Variants in MTUS2 observed in about 807,000 individuals in gnomAD.
MTUS2 encodes microtubule-associated tumor suppressor candidate 2.
Under a neutral mutation model 114.1 loss-of-function variants are expected in MTUS2, and 40 were observed. The ratio of observed to expected loss-of-function variants is 0.35; its 90% confidence interval spans 0.27 to 0.46. The LOEUF is 0.46. MTUS2 is among the 20% of genes least tolerant of loss of function. MTUS2 has a pLI of 1.00. For missense variants in MTUS2, 1,679 were observed against 1,705.4 expected (o/e 0.98, Z 0.27); for synonymous variants, 688 against 672.0 (o/e 1.02, Z -0.37).
intron 2 of MTUS2, among the ~76,000 whole-genome samples, chr13:28,917,588 TTTTA>T (rs1403100421): frequency 2.0e-5 from 3 of 151,716 alleles, no homozygotes; most frequent in Non-Finnish European, 3.0e-5. Context: ...TCATTTCTGA[TTTTA>T]TTTGTTCGGG....
rs1005666886 is a variant in MTUS2, at chr13:29,172,902, TGTA to T, written c.2644+71938_2644+71940del. 1.9e-4 allele frequency among the ~76,000 whole-genome samples: 29 copies of T among 152,316 alleles called. 1 individual carries two copies. The highest frequency in any genetic ancestry group is 3.4e-3 in the Middle Eastern group (1 of 294). Reference sequence around the variant, plus strand: ...TACTTTATATTGGTCCTGCAAATAATGTAGTAGTCCTAGGTAAGACCAAATTAA... The same window carrying T: ...TACTTTATATTGGTCCTGCAAATAATGTAGTCCTAGGTAAGACCAAATTAA... On this transcript the variant is annotated intron_variant, in intron 5 of 15. Transcript: ENST00000612955.
intron 5 of MTUS2, among the ~76,000 whole-genome samples, chr13:29,243,888 G>T (rs1002593868): frequency 2.6e-5 from 4 of 152,216 alleles, no homozygotes; most frequent in African/African-American, 9.6e-5. Flanking sequence ...AAAGCACTGG[G>T]ATAATTGATA....
At chr13:29,054,766 C>T (rs1888055015) in intron 4 of MTUS2, among the ~76,000 whole-genome samples, 1 of 152,000 alleles carries the variant, frequency 6.6e-6, no homozygotes, top group East Asian at 1.9e-4. Context: ...CCTTATGGAT[C>T]TAGGATATGT....
intron 8 of MTUS2, among the ~76,000 whole-genome samples, chr13:29,405,496 A>AATT (rs1315079260): frequency 3.3e-5 from 5 of 152,168 alleles, no homozygotes; most frequent in Non-Finnish European, 7.3e-5. Flanking sequence ...CCACTCAATA[A>AATT]AAGTCAGCTT....
chr13:29,473,706 T>C (rs1057336247), intron 9 of MTUS2, among the ~76,000 whole-genome samples: 3 of 152,228 alleles, frequency 2.0e-5, no homozygotes, highest in African/African-American at 7.2e-5. Context: ...CTACTTTTGC[T>C]TTTCAAATCT....
intron 9 of MTUS2, among the ~76,000 whole-genome samples, chr13:29,472,798 A>G (rs1880417074): frequency 6.6e-6 from 1 of 152,228 alleles, no homozygotes; most frequent in African/African-American, 2.4e-5. Context: ...CGAACATGAG[A>G]ATATAAAGTA....
intron 4 of MTUS2, among the ~76,000 whole-genome samples, chr13:29,044,558 A>G (rs1887524809): frequency 6.6e-6 from 1 of 152,148 alleles, no homozygotes; most frequent in African/African-American, 2.4e-5. Flanking sequence ...CTCCAATTAC[A>G]CATATATTAG....
chr13:29,426,663 A>C (rs1165092305), intron 8 of MTUS2, among the ~76,000 whole-genome samples: 3 of 152,204 alleles, frequency 2.0e-5, no homozygotes, highest in Non-Finnish European at 4.4e-5. Context: ...TTCACTTAAC[A>C]TGATATCCTC....
chr13:29,369,263 G>A (rs9579361), intron 8 of MTUS2, among the ~76,000 whole-genome samples: 30,797 of 152,098 alleles, frequency 0.2, 3,238 homozygotes, highest in Middle Eastern at 0.24. Context: ...GTTTCAGCCC[G>A]TAGAGAAGCC....
At chr13:29,241,271 G>C (rs1896721391) in intron 5 of MTUS2, among the ~76,000 whole-genome samples, 1 of 148,270 alleles carries the variant, frequency 6.7e-6, no homozygotes, top group African/African-American at 2.5e-5. Context: ...AAAATTGACA[G>C]AACAATTTCA....
Position 28,907,205 on chromosome 13 carries a change from G to A in MTUS2, c.-243+67355G>A, listed in dbSNP as rs1016763865. ...TACTTTACAGACAAGCAAATGCTGA[G>A]AGATTTTGTCTCCACCAGGCCTGCC... is the stretch of plus-strand genomic sequence containing the variant. On this transcript the variant is annotated intron_variant, in intron 2 of 15. Coordinates refer to ENST00000612955, the MANE Select transcript of MTUS2 (RefSeq NM_001033602.4). 2.7e-4 allele frequency among the ~76,000 whole-genome samples: 41 copies of A among 151,524 alleles called. 1 individual carries two copies. The highest frequency in any genetic ancestry group is 2.9e-5 in the Non-Finnish European group (2 of 67,924).
intron 8 of MTUS2, among the ~76,000 whole-genome samples, chr13:29,424,847 G>A (rs1400992063): frequency 6.6e-6 from 1 of 152,122 alleles, no homozygotes; most frequent in African/African-American, 2.4e-5. Context: ...GGAGAGGAGG[G>A]GTGGGGATTG....
chr13:29,433,961 G>C (rs935070043), intron 8 of MTUS2, among the ~76,000 whole-genome samples: 6 of 152,128 alleles, frequency 3.9e-5, no homozygotes, highest in African/African-American at 1.4e-4. Flanking sequence ...TTAATTTCCT[G>C]TTGTGGTTCG....
chr13:29,368,946 G>A (rs904468612), intron 8 of MTUS2, among the ~76,000 whole-genome samples: 6 of 152,212 alleles, frequency 3.9e-5, no homozygotes, highest in African/African-American at 1.4e-4. Flanking sequence ...GTAAGGAGCA[G>A]TAGGCCTGGC....
At chr13:28,971,854 G>A (rs896300137) in intron 2 of MTUS2, among the ~76,000 whole-genome samples, 1 of 152,174 alleles carries the variant, frequency 6.6e-6, no homozygotes, top group Non-Finnish European at 1.5e-5. Flanking sequence ...AGATGTTCTT[G>A]TCCCATTTTT....
intron 8 of MTUS2, among the ~76,000 whole-genome samples, chr13:29,401,177 G>A (rs7336881): frequency 0.24 from 36,951 of 151,988 alleles, 5,049 homozygotes; most frequent in Admixed American, 0.35. Flanking sequence ...TAGTAGAGAC[G>A]GTCTCACCGT....
At chr13:29,329,827 T>C (rs998107404) in intron 7 of MTUS2, among the ~76,000 whole-genome samples, 1 of 152,170 alleles carries the variant, frequency 6.6e-6, no homozygotes, top group African/African-American at 2.4e-5. Context: ...TTGGCCAGGC[T>C]GATCTCAAAC....
chr13:28,990,270 A>G (rs559230785), intron 2 of MTUS2, among the ~76,000 whole-genome samples: 1 of 152,224 alleles, frequency 6.6e-6, no homozygotes, highest in South Asian at 2.1e-4. Flanking sequence ...ATGTGAGAGG[A>G]TGGGGGATGG....
intron 4 of MTUS2, among the ~76,000 whole-genome samples, chr13:29,070,963 T>G (rs1888892181): frequency 6.8e-6 from 1 of 147,566 alleles, no homozygotes; most frequent in Non-Finnish European, 1.5e-5. Flanking sequence ...GAATGCCTTC[T>G]TGGCTTCTGA....
Sources: allele counts gnomAD v4.1 joint callset (sites outside exome capture counted in the v4.1 genomes callset), GRCh38; gene constraint gnomAD v4.1.1; transcripts MANE v1.5; gene names NCBI Gene and HGNC (gene_info 2026-07-23, HGNC 2026-07-21).